The following MTA3 variants were observed in gnomAD, a reference collection of about 807,000 sequenced individuals.
MTA3 encodes the protein metastasis-associated protein MTA3.
In MTA3, 34 loss-of-function variants were observed where a neutral mutation model predicts 83.5. That is an observed-to-expected ratio of 0.41 (90% CI 0.31 to 0.54). The LOEUF (loss-of-function observed/expected upper bound fraction) is 0.54. Among genes scored for constraint, MTA3 ranks in the 20% least tolerant of loss-of-function variants. The pLI is 0.33. For synonymous variants in MTA3, 303 were observed against 252.7 expected, an observed-to-expected ratio of 1.20 and a Z score of -1.89; for missense variants, 761 against 726.4, an observed-to-expected ratio of 1.05 and a Z score of -0.55.
chr2:42,576,852 G>A (rs900611437), intron 2 of MTA3, among the ~76,000 whole-genome samples: 2 of 152,074 alleles, frequency 1.3e-5, no homozygotes, highest in Non-Finnish European at 2.9e-5. Context: ...AGCTGAGATC[G>A]TGCCATTGCA....
chr2:42,684,108 C>G (rs772187450), intron 9 of MTA3, among the ~76,000 whole-genome samples: 3 of 152,172 alleles, frequency 2.0e-5, no homozygotes, highest in Admixed American at 2.0e-4. Context: ...GTCATCTTGT[C>G]TAACTATAGT....
chr2:42,511,454 T>A (rs1674892318), intron 2 of MTA3: 1 of 152,132 alleles, frequency 6.6e-6, no homozygotes, highest in African/African-American at 2.4e-5. Flanking sequence ...CAGTGGCTTA[T>A]GCCTGTAACC....
At chr2:42,594,728 A>ATATATATATATATTTTTTTTTTTT in intron 3 of MTA3, among the ~76,000 whole-genome samples, 4 of 24,044 alleles carry the variant, frequency 1.7e-4, no homozygotes, top group African/African-American at 2.2e-4. Flanking sequence ...ATATATATAT[A>ATATATATATATATTTTTTTTTTTT]TTTTTTTTTT....
chr2:42,724,277 A>AAAACACACACAC (rs1553396460), intron 16 of MTA3, among the ~76,000 whole-genome samples: 57 of 73,178 alleles, frequency 7.8e-4, no homozygotes, highest in African/African-American at 3.3e-3. Flanking sequence ...AGTCCTGAAA[A>AAAACACACACAC]ACACACACAC....
chr2:42,669,411 T>C (rs1237363933), intron 8 of MTA3, among the ~76,000 whole-genome samples: 1 of 152,078 alleles, frequency 6.6e-6, no homozygotes, highest in African/African-American at 2.4e-5. Flanking sequence ...TTGATTAGCA[T>C]TTTAGATATC....
intron 11 of MTA3, among the ~76,000 whole-genome samples, chr2:42,701,139 T>A (rs1463565261): frequency 2.6e-5 from 4 of 151,694 alleles, no homozygotes; most frequent in Non-Finnish European, 5.9e-5. Flanking sequence ...TACATTTTTA[T>A]AATTATCTAT....
At chr2:42,627,733 T>G (rs1033154169) in intron 4 of MTA3, among the ~76,000 whole-genome samples, 3 of 146,514 alleles carry the variant, frequency 2.0e-5, no homozygotes, top group African/African-American at 7.5e-5. Flanking sequence ...AAATTTTTTT[T>G]TTTTTTTTTT....
rs536023912 is a variant in MTA3 at position 42,714,276 on chromosome 2, A to G, written c.1526-4712A>G. On this transcript the variant is annotated intron_variant, in intron 14 of 16. Transcript: ENST00000405094. The stretch of plus-strand genomic sequence containing the variant: ...GAACTTTTTATATTTTAACAAAGTT[A>G]TCTCTTAATCTGTGATATGTGATAC... Among the ~76,000 whole-genome samples the G allele has an allele frequency of 3.9e-5, 6 of 152,330 alleles. No individual in the cohort carries two copies. The South Asian group carries it at 1.0e-3, about 26-fold the overall frequency.
intron 4 of MTA3, among the ~76,000 whole-genome samples, chr2:42,624,568 C>G (rs1389843255): frequency 6.6e-6 from 1 of 152,146 alleles, no homozygotes; most frequent in Non-Finnish European, 1.5e-5. Context: ...CGTTGTGATC[C>G]ACCTGCCTCG....
At chr2:42,727,899 A>G (rs1667940803) in intron 16 of MTA3, among the ~76,000 whole-genome samples, 1 of 152,208 alleles carries the variant, frequency 6.6e-6, no homozygotes, top group Non-Finnish European at 1.5e-5. Flanking sequence ...TAATAATCAC[A>G]TGAGGGTAAA....
chr2:42,623,814 C>T (rs541345159), intron 4 of MTA3, among the ~76,000 whole-genome samples: 1 of 152,088 alleles, frequency 6.6e-6, no homozygotes, highest in Admixed American at 6.6e-5. Flanking sequence ...GCTCAGCCTC[C>T]CAAGTACCTG....
chr2:42,585,311 C>G (rs1680141430), intron 3 of MTA3, among the ~76,000 whole-genome samples: 1 of 152,014 alleles, frequency 6.6e-6, no homozygotes, highest in Admixed American at 6.6e-5. Context: ...TGGTCTCGAA[C>G]TCCCAACCTC....
intron 3 of MTA3, among the ~76,000 whole-genome samples, chr2:42,603,215 T>G (rs1010461862): frequency 6.6e-6 from 1 of 151,922 alleles, no homozygotes; most frequent in African/African-American, 2.4e-5. Flanking sequence ...GAAAGTTTAG[T>G]TTTTACCCTA....
At chr2:42,642,318 A>G (rs567801844) in intron 5 of MTA3, among the ~76,000 whole-genome samples, 2 of 152,218 alleles carry the variant, frequency 1.3e-5, no homozygotes, top group Admixed American at 1.3e-4. Context: ...TACCATGCTA[A>G]TAGGTTTTAC....
chr2:42,565,428 A>G (rs1437470636), upstream of MTA3, among the ~76,000 whole-genome samples: 1 of 150,102 alleles, frequency 6.7e-6, no homozygotes, highest in African/African-American at 2.5e-5. Context: ...TTGGCCTCCC[A>G]AAATGCTGGG....
chr2:42,496,114 G>A (rs745990041), intron 2 of MTA3, among the ~76,000 whole-genome samples: 3 of 152,086 alleles, frequency 2.0e-5, no homozygotes, highest in East Asian at 1.9e-4. Flanking sequence ...TGTTCTCTCC[G>A]TAGAATCCTT....
intron 14 of MTA3, among the ~76,000 whole-genome samples, chr2:42,710,300 C>T (rs974698829): frequency 1.3e-5 from 2 of 152,058 alleles, no homozygotes; most frequent in African/African-American, 4.8e-5. Flanking sequence ...TGCTTGTAAT[C>T]CCAGTACTTT....
Position 42,568,660 on chromosome 2 carries a change from G to T in MTA3, c.-86G>T. ...GCGAGGCAGCAGCGACGGCGGCGGC[G>T]GCAGCGGCGGTCGCGGCTGAGGCTG... On this transcript the variant is annotated 5_prime_UTR_variant, in exon 1 of 17. Coordinates refer to ENST00000405094, the MANE Select transcript of MTA3 (RefSeq NM_001330442.2). The T allele has an allele frequency of 2.9e-6, 3 of 1,026,764 alleles. No individual in the cohort carries two copies. The highest frequency in any genetic ancestry group is 4.7e-5 in the South Asian group (1 of 21,102). 63.6% of individuals were successfully genotyped at this position (1,026,764 alleles called of 1,614,324 possible).
intron 14 of MTA3, among the ~76,000 whole-genome samples, chr2:42,717,817 A>G (rs1444554078): frequency 6.6e-6 from 1 of 152,216 alleles, no homozygotes; most frequent in African/African-American, 2.4e-5. Context: ...TGGGGAAGGG[A>G]TGGCCAAGTA....
Sources: allele counts gnomAD v4.1 joint callset (sites outside exome capture counted in the v4.1 genomes callset), GRCh38; gene constraint gnomAD v4.1.1; transcripts MANE v1.5; gene names NCBI Gene and HGNC (gene_info 2026-07-23, HGNC 2026-07-21).